Variants in FMO2 observed in about 807,000 individuals in gnomAD.
FMO2 encodes the protein flavin containing dimethylaniline monoxygenase 2.
Under a neutral mutation model 41.6 loss-of-function variants are expected in FMO2, and 33 were observed. That is an observed-to-expected ratio of 0.79 (90% CI 0.60 to 1.06). FMO2 has a LOEUF of 1.06. Ranked by LOEUF, FMO2 falls within the 50% of genes least tolerant of loss-of-function variation. The pLI, the probability that FMO2 is intolerant of heterozygous loss-of-function variation, is 0.00. For synonymous variants in FMO2, 214 were observed against 219.6 expected (o/e 0.97, Z 0.23); for missense variants, 619 against 632.9 (o/e 0.98, Z 0.23).
chr1:171,187,627 CAAAA>C (rs765479366), intron 2 of FMO2, among the ~76,000 whole-genome samples: 11,308 of 82,332 alleles, frequency 0.14, 908 homozygotes, highest in African/African-American at 0.32. Flanking sequence ...AACCTGCCAC[CAAAA>C]AAAAAAAAAA....
chr1:171,186,294 T>G (rs942973889), intron 2 of FMO2: 3 of 153,806 alleles, frequency 2.0e-5, no homozygotes, highest in Admixed American at 1.3e-4. Flanking sequence ...TCAATGACAT[T>G]CTAGTATAAC....
At position 171,196,703 on chromosome 1, in the gene FMO2, A is replaced by G; in HGVS notation, c.376A>G (p.Lys126Glu). Residue 126 changes from lysine (K) to glutamate (E), a missense_variant, in exon 4 of 9, where the codon AAG becomes GAG. Lys to Glu is a moderately conservative substitution (Grantham distance 56). Coordinates refer to ENST00000209929, the MANE Select transcript of FMO2 (RefSeq NM_001460.5). Reference sequence around the variant, plus strand: ...AGATTTCTCATCCTCTGGCCAATGGAAGGTTGTCACTCAGAGCAACGGCAA... The same window carrying G: ...AGATTTCTCATCCTCTGGCCAATGGGAGGTTGTCACTCAGAGCAACGGCAA... ...CPDFSSSGQW[K>E]VVTQSNGKEQ... 1 of 1,613,556 alleles carries G rather than the reference A, an allele frequency of 6.2e-7. No homozygotes were observed. The highest frequency in any genetic ancestry group is 8.5e-7 in the Non-Finnish European group (1 of 1,179,838).
chr1:171,192,703 T>G (rs1658129558), intron 2 of FMO2, among the ~76,000 whole-genome samples: 1 of 150,582 alleles, frequency 6.6e-6, no homozygotes, highest in South Asian at 2.1e-4. Context: ...GAGGCGGAGC[T>G]TGCAGTGAGC....
chr1:171,186,093 A>G (rs1208917104), intron 2 of FMO2: 1 of 332,540 alleles, frequency 3.0e-6, no homozygotes, highest in Admixed American at 4.3e-5. Context: ...CAATTGTCTT[A>G]CAGCCCATAC....
Position 171,199,575 on chromosome 1 carries a change from C to T in FMO2, c.627+87C>T, listed in dbSNP as rs1658452886. The T allele has an allele frequency of 6.9e-6, 9 of 1,308,492 alleles. No individual in the cohort carries two copies. The East Asian group carries it at 1.5e-4, about 22-fold the overall frequency. The allele number at this position is 1,308,492 out of a possible 1,614,324, so 81.1% of individuals were successfully genotyped here. ...AACCCCAGCCATATAATCGCGGCTC[C>T]AATCCTCATTAACTAGTTGGTTGGT... On this transcript the variant is annotated intron_variant, in intron 5 of 8. Coordinates refer to ENST00000209929, the MANE Select transcript of FMO2 (RefSeq NM_001460.5).
At chr1:171,200,668 C>T (rs552890531) in intron 5 of FMO2, among the ~76,000 whole-genome samples, 22 of 152,224 alleles carry the variant, frequency 1.4e-4, no homozygotes, top group Non-Finnish European at 2.4e-4. Flanking sequence ...AGTGCCAGCC[C>T]GGGAACAGAG....
At chr1:171,192,920 G>T (rs914207602) in intron 2 of FMO2, among the ~76,000 whole-genome samples, 1 of 152,012 alleles carries the variant, frequency 6.6e-6, no homozygotes, top group African/African-American at 2.4e-5. Context: ...TCTCTATTAT[G>T]TTCTCTGCCC....
chr1:171,200,144 A>C (rs576512745), intron 5 of FMO2, among the ~76,000 whole-genome samples: 1 of 152,162 alleles, frequency 6.6e-6, no homozygotes, highest in Non-Finnish European at 1.5e-5. Context: ...AGTTACCCAA[A>C]TATTATGAAA....
chr1:171,203,828 T>A, intron 5 of FMO2, 37 bp from the exon 6 acceptor site: 1 of 1,578,166 alleles, frequency 6.3e-7, no homozygotes, highest in Non-Finnish European at 8.7e-7. Flanking sequence ...AACGGGACAA[T>A]GCCCTAATTT....
chr1:171,199,439 G>A lies in FMO2; in HGVS notation c.578G>A (p.Gly193Glu). Residue 193 changes from glycine (G) to glutamate (E), a missense_variant, in exon 5 of 9, where the codon GGA becomes GAA. Transcript: ENST00000209929. Reference protein sequence around the residue: ...EGKRILVIGMGNSGSDIAVEL... With the variant: ...EGKRILVIGMENSGSDIAVEL... ...AAACGCATCCTGGTGATTGGAATGG[G>A]AAACTCAGGCTCAGATATTGCTGTT... 1.9e-6 allele frequency: 3 copies of A among 1,613,040 alleles called. 1 individual carries two copies. The South Asian group carries it at 3.3e-5, about 18-fold the overall frequency.
rs7536646 is a variant in FMO2, at chr1:171,205,552, G to A, written c.1101G>A (p.Ala367=). ...FPAHLDKSTL[A]CIGLIQPLGS... ...CTCACCTGGACAAGTCAACCCTCGCGTGCATTGGTCTCATCCAGCCCCTAG... is the reference window on the plus strand; with the variant it reads ...CTCACCTGGACAAGTCAACCCTCGCATGCATTGGTCTCATCCAGCCCCTAG... Residue 367 remains alanine (A), a synonymous_variant, in exon 7 of 9, where the codon GCG becomes GCA. Coordinates refer to ENST00000209929, the MANE Select transcript of FMO2 (RefSeq NM_001460.5). 12,484 of 1,613,710 alleles carry A rather than the reference G, an allele frequency of 7.7e-3. 655 individuals carry two copies. In the African/African-American group the frequency reaches 0.12, roughly 16 times the overall value.
At chr1:171,207,909 AT>A in intron 8 of FMO2, 119 bp downstream of exon 8, 1 of 668,212 alleles carries the variant, frequency 1.5e-6, no homozygotes, top group Non-Finnish European at 2.6e-6. Flanking sequence ...TATAGCCCAG[AT>A]GATTGAATCA....
chr1:171,194,927 C>G (rs1201598013), intron 3 of FMO2, among the ~76,000 whole-genome samples: 1 of 152,082 alleles, frequency 6.6e-6, no homozygotes, highest in African/African-American at 2.4e-5. Flanking sequence ...CCAGTTCTAC[C>G]TAATGTAGTT....
In FMO2 at chr1:171,193,349, T is replaced by C; in HGVS notation, c.147T>C (p.Asp49=). 3 of 1,600,452 alleles carry C rather than the reference T, an allele frequency of 1.9e-6. No individual in the cohort carries two copies. Among genetic ancestry groups the C allele is most frequent in the Non-Finnish European group, 2.6e-6 (3 of 1,174,096 alleles). Residue 49 remains aspartate (D), a synonymous_variant, in exon 3 of 9, where the codon GAT becomes GAC. Coordinates refer to ENST00000209929, the MANE Select transcript of FMO2 (RefSeq NM_001460.5). ...TGATCCTTCAGGAGAATGTGGAAGA[T>C]GGCCGAGCAAGTATCTATCAATCTG... The part of the protein sequence containing the change: ...GVWRFKENVE[D]GRASIYQSVV...
chr1:171,199,608 T>A, intron 5 of FMO2, 120 bp downstream of exon 5: 1 of 898,852 alleles, frequency 1.1e-6, no homozygotes, highest in Non-Finnish European at 1.6e-6. Flanking sequence ...GGTAGCGCAT[T>A]GTGGCATCAT....
intron 2 of FMO2, among the ~76,000 whole-genome samples, chr1:171,192,492 A>C (rs1658120679): frequency 6.6e-6 from 1 of 152,052 alleles, no homozygotes; most frequent in South Asian, 2.1e-4. Flanking sequence ...TGAACCAAGC[A>C]TGGTGGTGCC....
At chr1:171,200,858 G>C (rs12730113) in intron 5 of FMO2, among the ~76,000 whole-genome samples, 17,803 of 152,164 alleles carry the variant, frequency 0.12, 1,180 homozygotes, top group African/African-American at 0.17. Context: ...TTTCATGCTA[G>C]GAATACCCGC....
chr1:171,209,871 T>C lies in FMO2; in HGVS notation c.*726T>C, dbSNP rs1658912831. 1 of 152,328 alleles carries C rather than the reference T, an allele frequency of 6.6e-6. No homozygotes were observed. The allele number at this position is 152,328 out of a possible 1,614,324, so 9.4% of individuals were successfully genotyped here. A position where few individuals can be genotyped will look rare whatever the true frequency, so the allele number is the denominator to read the frequency against. On this transcript the variant is annotated 3_prime_UTR_variant, in exon 9 of 9. Transcript: ENST00000209929. ...TGCATATCATATGTATTATTTCATT[T>C]AATTCTCACAACAATTCTGTGAAAT...
chr1:171,196,652 A>T lies in FMO2; in HGVS notation c.325A>T (p.Thr109Ser). The T allele has an allele frequency of 6.2e-7, 1 of 1,609,232 alleles. No homozygotes were observed. The highest frequency in any genetic ancestry group is 8.5e-7 in the Non-Finnish European group (1 of 1,179,544). ...GCCTTCTCTGTGTTTCTTCAAGACA[A>T]CTGTCCTTAGTGTGAGAAAATGTCC... ...DLLKYIQFQT[T>S]VLSVRKCPDF... is the part of the protein sequence containing the mutation. Residue 109 changes from threonine to serine, a missense_variant, in exon 4 of 9, where the codon ACT (threonine) becomes TCT (serine). By Grantham distance (58) the Thr-to-Ser change is moderately conservative. Transcript: ENST00000209929.
Sources: gnomAD v4.1 joint callset for allele counts (sites outside exome capture counted in the v4.1 genomes callset) on GRCh38, gnomAD v4.1.1 for gene constraint, MANE v1.5 for transcripts, NCBI Gene and HGNC (gene_info 2026-07-23, HGNC 2026-07-21) for gene names.